SDAD1: variants seen among roughly 807,000 people sequenced by gnomAD.
SDAD1 encodes protein SDA1 homolog.
A neutral mutation model predicts 100.3 loss-of-function variants in SDAD1; 79 were observed. The ratio of observed to expected loss-of-function variants is 0.79; its 90% confidence interval spans 0.66 to 0.95. The LOEUF (loss-of-function observed/expected upper bound fraction) is 0.95, where lower values mean the gene tolerates loss of function less well. SDAD1 is among the 40% of genes least tolerant of loss of function. The probability of loss-of-function intolerance (pLI) is 0.00; values close to 1 mark genes in which losing one functional copy is unlikely to be tolerated. For missense variants in SDAD1, 790 were observed against 810.9 expected, an observed-to-expected ratio of 0.97 and a Z score of 0.31; for synonymous variants, 267 against 271.4, an observed-to-expected ratio of 0.98 and a Z score of 0.16.
chr4:75,975,906 A>C lies in SDAD1; in HGVS notation c.477+18T>G. 1 of 1,601,036 alleles carries C rather than the reference A, an allele frequency of 6.2e-7. No homozygotes were observed. Among genetic ancestry groups the C allele is most frequent in the Non-Finnish European group, 8.6e-7 (1 of 1,168,176 alleles). On this transcript the variant is annotated intron_variant, in intron 5 of 21. Transcript: ENST00000356260. ...GATGGTACAATGCTGCAAACATGGAAGACAGAAGAGTACTTACTACATTCA... is the reference window on the plus strand; with the variant it reads ...GATGGTACAATGCTGCAAACATGGACGACAGAAGAGTACTTACTACATTCA...
chr4:75,951,403 G>C (rs1369924445), intron 21 of SDAD1, among the ~76,000 whole-genome samples: 1 of 152,148 alleles, frequency 6.6e-6, no homozygotes, highest in Non-Finnish European at 1.5e-5. Flanking sequence ...CAAACATGAA[G>C]ATATTAACTC....
At position 75,963,191 on chromosome 4, in the gene SDAD1, C is replaced by A. The variant is rs533024854; in HGVS notation, c.1181+944G>T. Among the ~76,000 whole-genome samples, 17 of 152,150 alleles carry A rather than the reference C, an allele frequency of 1.1e-4. No individual in the cohort carries two copies. The South Asian group carries it at 3.5e-3, about 32-fold the overall frequency. On this transcript the variant is annotated intron_variant, in intron 14 of 21. Transcript: ENST00000356260. ...TGTTTTTGTCAGGTTTGTCAAAGAA[C>A]AGATGGTTATAGATGTGTGGTATTA...
intron 1 of SDAD1, among the ~76,000 whole-genome samples, chr4:75,986,831 C>A (rs765019128): frequency 6.6e-5 from 10 of 152,126 alleles, no homozygotes; most frequent in Non-Finnish European, 1.3e-4. Flanking sequence ...TGGAGACCAG[C>A]CTGGGCAACT....
At position 75,965,770 on chromosome 4, in the gene SDAD1, G is replaced by A; in HGVS notation, c.1098C>T (p.Pro366=). 6.2e-7 allele frequency: 1 copy of A among 1,613,100 alleles called. No homozygotes were observed. Among genetic ancestry groups the A allele is most frequent in the Non-Finnish European group, 8.5e-7 (1 of 1,179,226 alleles). ...TCAGGTTACAGGTTCTCACCTCTGGGGGTACTAGGTGATGAGATGCTTGTG... is the reference window on the plus strand; with the variant it reads ...TCAGGTTACAGGTTCTCACCTCTGGAGGTACTAGGTGATGAGATGCTTGTG... The part of the protein sequence containing the change: ...FAAQASHHLV[P]PEIIQSLLMT... Residue 366 remains proline, a synonymous_variant, in exon 13 of 22, where the codon CCC becomes CCT. Coordinates refer to ENST00000356260, the MANE Select transcript of SDAD1 (RefSeq NM_018115.4).
intron 11 of SDAD1, among the ~76,000 whole-genome samples, chr4:75,968,900 C>T (rs1307160632): frequency 1.3e-5 from 2 of 151,762 alleles, no homozygotes; most frequent in Non-Finnish European, 1.5e-5. Context: ...GGTGTGGTGG[C>T]ATGCGCCTGT....
chr4:75,965,847 G>T, intron 12 of SDAD1, 25 bp from the exon 13 acceptor site: 1 of 1,605,140 alleles, frequency 6.2e-7, no homozygotes, highest in Non-Finnish European at 8.5e-7. Context: ...GAACAGAAAG[G>T]TCATGGTCAG....
At chr4:75,971,517 A>T in intron 8 of SDAD1, 59 bp from the exon 9 acceptor site, 1 of 1,240,084 alleles carries the variant, frequency 8.1e-7, no homozygotes, top group South Asian at 1.2e-5. Context: ...AGAATGAAAG[A>T]GTAAACCTTT....
Position 75,964,189 on chromosome 4 carries a change from G to A in SDAD1, c.1127C>T (p.Thr376Ile), listed in dbSNP as rs1486743380. The A allele has an allele frequency of 6.2e-7, 1 of 1,608,074 alleles. No homozygotes were observed. Among genetic ancestry groups the A allele is most frequent in the Non-Finnish European group, 8.5e-7 (1 of 1,177,738 alleles). The change falls in exon 14 of 22, where the codon ACT becomes ATT. Residue 376 changes from threonine (T) to isoleucine (I), a missense_variant. Transcript: ENST00000356260. ...GTCGGTAACAAAATTGTTTGCCACA[G>A]TCATAAGCAATGATTGAATAATCTG... Reference protein sequence around the residue: ...PPEIIQSLLMTVANNFVTDKN... With the variant: ...PPEIIQSLLMIVANNFVTDKN...
At chr4:75,990,552 G>C (rs966942985) in intron 1 of SDAD1, 200 bp downstream of exon 1, 1 of 1,084,586 alleles carries the variant, frequency 9.2e-7, no homozygotes, top group Non-Finnish European at 1.3e-6. Flanking sequence ...AATCCAAAGG[G>C]GCAACAGATT....
At chr4:75,970,471 G>A (rs886839687) in intron 9 of SDAD1, 93 bp from the exon 10 acceptor site, 8 of 864,666 alleles carry the variant, frequency 9.3e-6, no homozygotes, top group Non-Finnish European at 1.4e-5. Context: ...AAGTCCATTA[G>A]ACTCTTTAAA....
intron 12 of SDAD1, among the ~76,000 whole-genome samples, chr4:75,966,614 A>G (rs1246163820): frequency 6.6e-6 from 1 of 152,224 alleles, no homozygotes; most frequent in Non-Finnish European, 1.5e-5. Context: ...TTTTTCATTG[A>G]GAATGCATGC....
Position 75,970,291 on chromosome 4 carries a change from G to A in SDAD1, c.883+18C>T, listed in dbSNP as rs1193316019. The A allele has an allele frequency of 6.2e-7, 1 of 1,605,486 alleles. No individual in the cohort carries two copies. The highest frequency in any genetic ancestry group is 1.3e-5 in the African/African-American group (1 of 74,682). On this transcript the variant is annotated intron_variant, in intron 10 of 21. Transcript: ENST00000356260. ...AGAGATAAGGCCAACAAGGAACTCG[G>A]ACGTCATAATAACGTACCTTGGGGA... is the stretch of plus-strand genomic sequence containing the variant.
intron 1 of SDAD1, among the ~76,000 whole-genome samples, chr4:75,986,686 GTTCT>G (rs1730914260): frequency 6.6e-6 from 1 of 152,136 alleles, no homozygotes; most frequent in African/African-American, 2.4e-5. Flanking sequence ...TAGACATGCT[GTTCT>G]TTCTGCCATC....
intron 13 of SDAD1, among the ~76,000 whole-genome samples, chr4:75,964,619 A>G (rs1729436045): frequency 6.6e-6 from 1 of 152,098 alleles, no homozygotes; most frequent in Non-Finnish European, 1.5e-5. Flanking sequence ...GAAAACGGTG[A>G]GGGAAGGGGG....
rs547065658 is a variant in SDAD1 at position 75,976,277 on chromosome 4, G to A, written c.406-282C>T. Among the ~76,000 whole-genome samples, 5 of 152,242 alleles carry A rather than the reference G, an allele frequency of 3.3e-5. No homozygotes were observed. In the South Asian group the frequency reaches 1.0e-3, roughly 32 times the overall value. ...ATCAGTGTTCACACAAACATTCATA[G>A]CAGCCTTATTCATAGTGGCCAAAAA... On this transcript the variant is annotated intron_variant, in intron 4 of 21. Coordinates refer to ENST00000356260, the MANE Select transcript of SDAD1 (RefSeq NM_018115.4).
chr4:75,982,378 T>C (rs1273604596), intron 1 of SDAD1, among the ~76,000 whole-genome samples: 1 of 152,204 alleles, frequency 6.6e-6, no homozygotes, highest in Non-Finnish European at 1.5e-5. Context: ...CTGGGTGTAG[T>C]GGCTCACACT....
chr4:75,974,007 T>C, intron 7 of SDAD1, 69 bp downstream of exon 7: 1 of 1,339,074 alleles, frequency 7.5e-7, no homozygotes, highest in South Asian at 1.2e-5. Flanking sequence ...GAGTGATGCT[T>C]TCTTCTAACT....
At chr4:75,976,454 A>G (rs538043493) in intron 4 of SDAD1, among the ~76,000 whole-genome samples, 1 of 152,384 alleles carries the variant, frequency 6.6e-6, no homozygotes, top group East Asian at 1.9e-4. Context: ...GCTAAGTGAA[A>G]GAATCTAGTC....
At chr4:75,956,249 G>A (rs9790644) in intron 20 of SDAD1, 113 bp from the exon 21 acceptor site, 587,094 of 1,116,988 alleles carry the variant, frequency 0.53, 159,337 homozygotes, top group East Asian at 0.87. Context: ...CAAGGGCACA[G>A]AATGGACAGG....
Sources: gnomAD v4.1 joint callset for allele counts (sites outside exome capture counted in the v4.1 genomes callset) on GRCh38, gnomAD v4.1.1 for gene constraint, MANE v1.5 for transcripts, NCBI Gene and HGNC (gene_info 2026-07-23, HGNC 2026-07-21) for gene names.